FANCI: variants seen among roughly 807,000 people sequenced by gnomAD.
FANCI encodes the protein Fanconi anemia group I protein.
FANCI carries 156 observed loss-of-function variants against 176.1 expected under a neutral mutation model. The observed-to-expected ratio is 0.89, with a 90% confidence interval of 0.78 to 1.01. The LOEUF (loss-of-function observed/expected upper bound fraction) is 1.01. Among genes scored for constraint, FANCI ranks in the 50% least tolerant of loss-of-function variants. FANCI has a pLI of 0.00. For missense variants in FANCI, 1,678 were observed against 1,534.1 expected (o/e 1.09, Z -1.57); for synonymous variants, 613 against 541.7 (o/e 1.13, Z -1.83).
In FANCI at chr15:89,274,208, A is replaced by C. The variant is rs2053318318; in HGVS notation, c.1016A>C (p.Lys339Thr). 1 of 1,601,480 alleles carries C rather than the reference A, an allele frequency of 6.2e-7. No homozygotes were observed. The highest frequency in any genetic ancestry group is 1.7e-5 in the Admixed American group (1 of 58,314). ...LLKTSVVKSF[K>T]DLQLLQGSKF... ...AAGACTTCGGTTGTAAAGAGCTTTAAGGATCTTCAACTCCTCCAAGGCTCA... is the reference window on the plus strand; with the variant it reads ...AAGACTTCGGTTGTAAAGAGCTTTACGGATCTTCAACTCCTCCAAGGCTCA... Residue 339 changes from lysine (K) to threonine (T), a missense_variant, in exon 12 of 38, where the codon AAG (lysine) becomes ACG (threonine). Transcript: ENST00000310775.
chr15:89,314,726 T>G lies in FANCI; in HGVS notation c.3816+19T>G. 1 of 1,544,708 alleles carries G rather than the reference T, an allele frequency of 6.5e-7. No individual in the cohort carries two copies. Among genetic ancestry groups the G allele is most frequent in the Non-Finnish European group, 9.0e-7 (1 of 1,116,898 alleles). On this transcript the variant is annotated intron_variant, in intron 36 of 37. Transcript: ENST00000310775. ...GTCCAAGGTAAACATTCTCTTATTA[T>G]GTGCTACCATTCCCATTTACCTTCT...
intron 9 of FANCI, among the ~76,000 whole-genome samples, chr15:89,267,009 A>T (rs1453883412): frequency 6.6e-6 from 1 of 150,956 alleles, no homozygotes; most frequent in Non-Finnish European, 1.5e-5. Flanking sequence ...TGGGATTATC[A>T]AGGGAAAGCA....
At chr15:89,303,784 G>A in intron 27 of FANCI, 80 bp from the exon 28 acceptor site, 1 of 1,256,940 alleles carries the variant, frequency 8.0e-7, no homozygotes, top group Admixed American at 1.7e-5. Flanking sequence ...ATATGGAAAG[G>A]TCTAGAACTC....
In FANCI at chr15:89,276,842, A is replaced by T. The variant is rs879185809; in HGVS notation, c.1244A>T (p.Asn415Ile). The change falls in exon 13 of 38, where the codon AAC (asparagine) becomes ATC (isoleucine). Residue 415 changes from asparagine to isoleucine, a missense_variant. Asn to Ile is a moderately radical substitution (Grantham distance 149). Transcript: ENST00000310775. Reference protein sequence around the residue: ...ETSPSLSRMPNQHACKLGANI... With the variant: ...ETSPSLSRMPIQHACKLGANI... The stretch of plus-strand genomic sequence containing the variant: ...AGCCCAAGTCTTTCTAGAATGCCAA[A>T]CCAGCATGCATGTAAGCTCGGAGCT... 6.2e-7 allele frequency: 1 copy of T among 1,614,188 alleles called. No individual in the cohort carries two copies. The highest frequency in any genetic ancestry group is 1.7e-5 in the Admixed American group (1 of 60,024).
chr15:89,261,453 C>T (rs372599007), intron 4 of FANCI, 132 bp from the exon 5 acceptor site: 1 of 1,139,830 alleles, frequency 8.8e-7, no homozygotes. Flanking sequence ...AGAATGATTC[C>T]ATAAATCCCT....
intron 1 of FANCI, among the ~76,000 whole-genome samples, chr15:89,246,758 CCTTT>C (rs1567133771): frequency 7.7e-6 from 1 of 129,708 alleles, no homozygotes; most frequent in Non-Finnish European, 1.6e-5. Context: ...TTTCTTTCTT[CCTTT>C]CTTTTTTTTT....
chr15:89,245,101 GTTTACTGGTGCCAT>G (rs2051887680), intron 1 of FANCI: 1 of 151,918 alleles, frequency 6.6e-6, no homozygotes, highest in African/African-American at 2.4e-5. Context: ...ATGTAAGAGA[GTTTACTGGTGCCAT>G]GAGAGGATGT....
At chr15:89,317,193 TTTCTGAAACATCATA>T (rs1468306338), downstream of FANCI, 14 of 636,806 alleles carry the variant, frequency 2.2e-5, no homozygotes, top group Non-Finnish European at 3.9e-5. Context: ...GCTGCCTTCA[TTTCTGAAACATCATA>T]TCACATTCAC....
chr15:89,285,314 C>T (rs978730010), intron 18 of FANCI, 96 bp downstream of exon 18: 59 of 1,492,946 alleles, frequency 4.0e-5, no homozygotes, highest in Admixed American at 5.3e-5. Context: ...AATAGCTATG[C>T]TCTTACTTGA....
chr15:89,268,068 G>C (rs1031905703), intron 9 of FANCI, among the ~76,000 whole-genome samples: 1 of 152,166 alleles, frequency 6.6e-6, no homozygotes, highest in Non-Finnish European at 1.5e-5. Context: ...ACCTGTCCTT[G>C]TCTCTCACTC....
intron 10 of FANCI, among the ~76,000 whole-genome samples, chr15:89,271,861 G>A (rs2053212389): frequency 6.6e-6 from 1 of 152,140 alleles, no homozygotes; most frequent in Non-Finnish European, 1.5e-5. Flanking sequence ...CCAGCTGGTG[G>A]ACATTTGAAT....
rs1198973107 is a variant in FANCI, at chr15:89,272,977, C to T, written c.883-400C>T. 2.0e-5 allele frequency among the ~76,000 whole-genome samples: 3 copies of T among 152,046 alleles called. No homozygotes were observed. The East Asian group carries it at 5.8e-4, about 30-fold the overall frequency. On this transcript the variant is annotated intron_variant, in intron 10 of 37. Transcript: ENST00000310775. Reference sequence around the variant, plus strand: ...CCACCACACCCGGCCAAGGGACTTACTGTTAAATAGGCTGTTATACTTTTA... The same window carrying T: ...CCACCACACCCGGCCAAGGGACTTATTGTTAAATAGGCTGTTATACTTTTA...
Position 89,316,927 on chromosome 15 carries a change from T to C in FANCI, c.*468T>C. 3 of 877,996 alleles carry C rather than the reference T, an allele frequency of 3.4e-6. No homozygotes were observed. Among genetic ancestry groups the C allele is most frequent in the Non-Finnish European group, 5.8e-6 (3 of 514,100 alleles). 54.4% of individuals were successfully genotyped at this position (877,996 alleles called of 1,614,324 possible). A position where few individuals can be genotyped will look rare whatever the true frequency, so the allele number is the denominator to read the frequency against. On this transcript the variant is annotated 3_prime_UTR_variant, in exon 38 of 38. Coordinates refer to ENST00000310775, the MANE Select transcript of FANCI (RefSeq NM_001113378.2). ...CTTAATGCTAAGGTCAAAAGGAGAGTGAAAGGTTGAGAACAATTGCCACGA... is the reference window on the plus strand; with the variant it reads ...CTTAATGCTAAGGTCAAAAGGAGAGCGAAAGGTTGAGAACAATTGCCACGA...
At chr15:89,294,025 C>T (rs371756086) in intron 23 of FANCI, 28 bp downstream of exon 23, 415 of 1,613,220 alleles carry the variant, frequency 2.6e-4, no homozygotes, top group Non-Finnish European at 3.4e-4. Context: ...TGCTTAAAGA[C>T]AGCCACTCCC....
intron 11 of FANCI, 92 bp downstream of exon 11, chr15:89,273,561 C>G: frequency 1.2e-6 from 1 of 816,136 alleles, no homozygotes; most frequent in Non-Finnish European, 2.0e-6. Context: ...TTTGTTGTAT[C>G]CGTTCCTAAA....
intron 8 of FANCI, 51 bp from the exon 9 acceptor site, chr15:89,264,471 G>T: frequency 2.1e-6 from 3 of 1,440,002 alleles, no homozygotes; most frequent in South Asian, 1.2e-5. Context: ...AATTCAAATT[G>T]GTTATTTTGC....
intron 18 of FANCI, among the ~76,000 whole-genome samples, chr15:89,287,316 T>A (rs568917788): frequency 1.3e-5 from 2 of 152,306 alleles, no homozygotes; most frequent in African/African-American, 4.8e-5. Flanking sequence ...TCCTTAAACC[T>A]CATGAACCAA....
Position 89,253,787 on chromosome 15 carries a change from G to T in FANCI, c.85-4917G>T, listed in dbSNP as rs1233590007. Among the ~76,000 whole-genome samples, 3 of 21,292 alleles carry T rather than the reference G, an allele frequency of 1.4e-4. No homozygotes were observed. In the African/African-American group the frequency reaches 3.6e-3, roughly 26 times the overall value. The allele number at this position is 21,292 out of a possible 152,430, so 14.0% of individuals were successfully genotyped here. ...TATCCCTAATTCATAAATAACTTGT[G>T]GGGGGGGGGGGGAAGATAAACTGTA... On this transcript the variant is annotated intron_variant, in intron 2 of 37. Coordinates refer to ENST00000310775, the MANE Select transcript of FANCI (RefSeq NM_001113378.2).
In FANCI at chr15:89,293,958, C is replaced by G; in HGVS notation, c.2417C>G (p.Ser806Cys). 6.2e-7 allele frequency: 1 copy of G among 1,614,114 alleles called. No homozygotes were observed. The highest frequency in any genetic ancestry group is 2.2e-5 in the East Asian group (1 of 44,876). The change falls in exon 23 of 38, where the codon TCC (serine) becomes TGC (cysteine). Residue 806 changes from serine (S) to cysteine (C), a missense_variant. Ser to Cys is a moderately radical substitution (Grantham distance 112). Transcript: ENST00000310775. ...AACAAGACAAGTGATAGTCTTTTGT[C>G]CATGAAATTTGTGTCCAGTCTTCTC... ...MANKTSDSLL[S>C]MKFVSSLLTA...
Sources: allele counts gnomAD v4.1 joint callset (sites outside exome capture counted in the v4.1 genomes callset), GRCh38; gene constraint gnomAD v4.1.1; transcripts MANE v1.5; gene names NCBI Gene and HGNC (gene_info 2026-07-23, HGNC 2026-07-21).